Variants in PCDHGB5 observed in about 807,000 individuals in gnomAD.
The protein encoded by PCDHGB5 is protocadherin gamma subfamily B, 5, also known as protocadherin gamma-B5.
In PCDHGB5, 48 loss-of-function variants were observed where a neutral mutation model predicts 62.9. That is an observed-to-expected ratio of 0.76 (90% CI 0.61 to 0.97). The LOEUF is 0.97. PCDHGB5 is among the 50% of genes least tolerant of loss of function. The probability of loss-of-function intolerance (pLI) is 0.00; values close to 1 mark genes in which losing one functional copy is unlikely to be tolerated. For synonymous variants in PCDHGB5, 474 were observed against 511.2 expected, an observed-to-expected ratio of 0.93 and a Z score of 0.98; for missense variants, 1,118 against 1,198.6, an observed-to-expected ratio of 0.93 and a Z score of 0.99.
chr5:141,404,289 A>G (rs552765425), intron 1 of PCDHGB5: 15 of 1,614,006 alleles, frequency 9.3e-6, no homozygotes, highest in East Asian at 4.5e-5. Flanking sequence ...ACTGACATCA[A>G]TGATAATCCA....
In PCDHGB5 at chr5:141,490,540, C is replaced by T; in HGVS notation, c.2398-4267C>T. The T allele has an allele frequency of 6.2e-7, 1 of 1,614,148 alleles. No homozygotes were observed. Among genetic ancestry groups the T allele is most frequent in the Non-Finnish European group, 8.5e-7 (1 of 1,180,024 alleles). ...GGCCAGCGATGCTGGTTCACCTTCC[C>T]TACACAAACATCTCACCATCAGGCT... On this transcript the variant is annotated intron_variant, in intron 1 of 3. Coordinates refer to ENST00000617380, the MANE Select transcript of PCDHGB5 (RefSeq NM_018925.3). This position sits in a 1 kb window ranked among gnomAD's most constrained non-coding sequence, Gnocchi z 5.4.
intron 1 of PCDHGB5, among the ~76,000 whole-genome samples, chr5:141,460,934 G>GTA (rs2099001529): frequency 2.7e-5 from 4 of 149,622 alleles, no homozygotes; most frequent in African/African-American, 9.9e-5. Context: ...ATGTGTGTGT[G>GTA]TATATATATG....
At position 141,485,305 on chromosome 5, in the gene PCDHGB5, T is replaced by C. The variant is rs1344645695; in HGVS notation, c.2398-9502T>C. The C allele has an allele frequency of 3.7e-6, 6 of 1,614,000 alleles. No individual in the cohort carries two copies. In the East Asian group the frequency reaches 1.3e-4, roughly 36 times the overall value. Reference sequence around the variant, plus strand: ...CAGAGGAGTCACAGGAAGGGACTTTTGTAGGGAATGTCGCTCAAGATTTCC... The same window carrying C: ...CAGAGGAGTCACAGGAAGGGACTTTCGTAGGGAATGTCGCTCAAGATTTCC... On this transcript the variant is annotated intron_variant, in intron 1 of 3. Coordinates refer to ENST00000617380, the MANE Select transcript of PCDHGB5 (RefSeq NM_018925.3). This position sits in a 1 kb window ranked among gnomAD's most constrained non-coding sequence, Gnocchi z 5.7.
rs1167812243 is a variant in PCDHGB5, at chr5:141,414,179, C to T, written c.2397+13655C>T. ...GATGGAGGAGCATATCTTGCAACTG[C>T]AAAAGTGTTGATTACAGTAGAAGAT... On this transcript the variant is annotated intron_variant, in intron 1 of 3. Transcript: ENST00000617380. 3 of 1,608,128 alleles carry T rather than the reference C, an allele frequency of 1.9e-6. No individual in the cohort carries two copies. In the South Asian group the frequency reaches 3.3e-5, roughly 18 times the overall value.
rs768847018 is a variant in PCDHGB5 at position 141,431,426 on chromosome 5, A to C, written c.2397+30902A>C. On this transcript the variant is annotated intron_variant, in intron 1 of 3. Transcript: ENST00000617380. The surrounding 1 kb of genome is among the most constrained non-coding windows in gnomAD (Gnocchi z 4.8). ...CTCCGACGGGGGCGACCCGGTGCGCACAGGCACCGCGCGCATCCGCGTGAT... is the reference window on the plus strand; with the variant it reads ...CTCCGACGGGGGCGACCCGGTGCGCCCAGGCACCGCGCGCATCCGCGTGAT... 6.2e-7 allele frequency: 1 copy of C among 1,613,666 alleles called. No individual in the cohort carries two copies. The highest frequency in any genetic ancestry group is 1.1e-5 in the South Asian group (1 of 91,078).
At chr5:141,452,527 G>A (rs1164238830) in intron 1 of PCDHGB5, among the ~76,000 whole-genome samples, 1 of 152,156 alleles carries the variant, frequency 6.6e-6, no homozygotes, top group Non-Finnish European at 1.5e-5. Flanking sequence ...TCAAAATCGT[G>A]AGTTCATATT....
rs375080564 is a variant in PCDHGB5 at position 141,486,676 on chromosome 5, T to C, written c.2398-8131T>C. On this transcript the variant is annotated intron_variant, in intron 1 of 3. Transcript: ENST00000617380. The surrounding 1 kb of genome is among the most constrained non-coding windows in gnomAD (Gnocchi z 5.0). ...CACTCCTGGAGCCCAGGAATCGAGA[T>C]GTATCAGCTTCCTCTTTCATCTCTC... The C allele has an allele frequency of 6.2e-7, 1 of 1,614,120 alleles. No homozygotes were observed. The highest frequency in any genetic ancestry group is 1.7e-5 in the Admixed American group (1 of 60,032).
chr5:141,449,681 G>A (rs2098651836), intron 1 of PCDHGB5, among the ~76,000 whole-genome samples: 1 of 149,394 alleles, frequency 6.7e-6, no homozygotes, highest in Non-Finnish European at 1.5e-5. Context: ...ATGTATATAT[G>A]TTTGTGTGTA....
chr5:141,422,117 C>A, intron 1 of PCDHGB5: 1 of 1,604,272 alleles, frequency 6.2e-7, no homozygotes, highest in East Asian at 2.2e-5. Context: ...CAATTGGATT[C>A]ACAAACTGGA....
rs770391604 is a variant in PCDHGB5, at chr5:141,431,437, G to A, written c.2397+30913G>A. On this transcript the variant is annotated intron_variant, in intron 1 of 3. Coordinates refer to ENST00000617380, the MANE Select transcript of PCDHGB5 (RefSeq NM_018925.3). The surrounding 1 kb of genome is among the most constrained non-coding windows in gnomAD (Gnocchi z 4.8). ...GCGACCCGGTGCGCACAGGCACCGC[G>A]CGCATCCGCGTGATGGTTCTGGATG... The A allele has an allele frequency of 7.4e-6, 12 of 1,613,710 alleles. No homozygotes were observed. In the East Asian group the frequency reaches 2.5e-4, roughly 33 times the overall value.
chr5:141,399,055 G>C lies in PCDHGB5; in HGVS notation c.928G>C (p.Glu310Gln). 6.2e-7 allele frequency: 1 copy of C among 1,613,844 alleles called. No homozygotes were observed. Among genetic ancestry groups the C allele is most frequent in the Non-Finnish European group, 8.5e-7 (1 of 1,179,874 alleles). ...GAAACTGGATTTTGAAGAGACCAAG[G>C]AATATTCAATGGTTGTAGAAGGGAG... ...QKKLDFEETK[E>Q]YSMVVEGRDG... The change falls in exon 1 of 4, where the codon GAA becomes CAA. Residue 310 changes from glutamate (E) to glutamine (Q), a missense_variant. By Grantham distance (29) the Glu-to-Gln change is conservative (BLOSUM62 2). This residue lies in a region of PCDHGB5 where 1,034 missense variants were observed against 1,029.1 expected (regional missense o/e 1.00). Transcript: ENST00000617380.
At chr5:141,455,185 T>C (rs1334330699) in intron 1 of PCDHGB5, among the ~76,000 whole-genome samples, 1 of 152,064 alleles carries the variant, frequency 6.6e-6, no homozygotes, top group Admixed American at 6.6e-5. Flanking sequence ...TTTTTATTTC[T>C]CTACAAATTT....
At position 141,493,444 on chromosome 5, in the gene PCDHGB5, G is replaced by T. The variant is rs2099748313; in HGVS notation, c.2398-1363G>T. On this transcript the variant is annotated intron_variant, in intron 1 of 3. Transcript: ENST00000617380. This position sits in a 1 kb window ranked among gnomAD's most constrained non-coding sequence, Gnocchi z 4.3. ...GCTTCTGCTGGGATGGGGCAAGGGT[G>T]GGGTTCCTTCCCTTTTAGGACCTTA... Among the ~76,000 whole-genome samples, 1 of 152,174 alleles carries T rather than the reference G, an allele frequency of 6.6e-6. No homozygotes were observed. Among genetic ancestry groups the T allele is most frequent in the South Asian group, 2.1e-4 (1 of 4,826 alleles).
Position 141,477,741 on chromosome 5 carries a change from G to A in PCDHGB5, c.2398-17066G>A, listed in dbSNP as rs1438249932. On this transcript the variant is annotated intron_variant, in intron 1 of 3. Transcript: ENST00000617380. The surrounding 1 kb of genome is among the most constrained non-coding windows in gnomAD (Gnocchi z 4.9). ...GAATTAACAGCTCATATCAGCGATG[G>A]GGGCACCCCGGTCCTAGCCACCAAC... is the stretch of plus-strand genomic sequence containing the variant. 4 of 1,613,802 alleles carry A rather than the reference G, an allele frequency of 2.5e-6. No individual in the cohort carries two copies. The highest frequency in any genetic ancestry group is 1.7e-5 in the Admixed American group (1 of 60,026).
chr5:141,418,848 G>T (rs770294020), intron 1 of PCDHGB5: 1 of 1,613,954 alleles, frequency 6.2e-7, no homozygotes, highest in Non-Finnish European at 8.5e-7. Flanking sequence ...CTCTCAACAC[G>T]GTGTAAAGTA....
intron 1 of PCDHGB5, among the ~76,000 whole-genome samples, chr5:141,453,517 C>A (rs1001603927): frequency 1.3e-5 from 2 of 152,062 alleles, no homozygotes; most frequent in African/African-American, 4.8e-5. Flanking sequence ...TCATTCCTCC[C>A]CTATACCTTC....
chr5:141,423,760 G>GT, intron 1 of PCDHGB5: 1 of 279,664 alleles, frequency 3.6e-6, no homozygotes, highest in Non-Finnish European at 5.3e-6. Flanking sequence ...TGGGGGGGGG[G>GT]TGGGGCGGCA....
intron 1 of PCDHGB5, chr5:141,412,158 G>A (rs188069449): frequency 1.3e-5 from 2 of 152,324 alleles, no homozygotes; most frequent in East Asian, 3.9e-4. Context: ...CCTAAGAGAA[G>A]AGATTATTTA....
At chr5:141,510,322 A>G (rs62379243) in intron 3 of PCDHGB5, among the ~76,000 whole-genome samples, 36,300 of 150,290 alleles carry the variant, frequency 0.24, 4,456 homozygotes, top group Admixed American at 0.32. Flanking sequence ...TTGGAAGAGC[A>G]CTCTTCACCC....
Sources: gnomAD v4.1 joint callset for allele counts (sites outside exome capture counted in the v4.1 genomes callset) on GRCh38, gnomAD v4.1.1 for gene constraint, gnomAD v4.1.1 regional missense constraint, Gnocchi (gnomAD v3.1) non-coding constraint, MANE v1.5 for transcripts, NCBI Gene and HGNC (gene_info 2026-07-23, HGNC 2026-07-21) for gene names.